The following CDH15 variants were observed in gnomAD, a reference collection of about 807,000 sequenced individuals.
The protein encoded by CDH15 is cadherin-15.
CDH15 carries 73 observed loss-of-function variants against 69.4 expected under a neutral mutation model. That is an observed-to-expected ratio of 1.05 (90% CI 0.87 to 1.28). The LOEUF (loss-of-function observed/expected upper bound fraction) is 1.28, where lower values mean the gene tolerates loss of function less well. CDH15 is among the 50% of genes most tolerant of loss of function. CDH15 has a pLI of 0.00. For synonymous variants in CDH15, 624 were observed against 507.7 expected, an observed-to-expected ratio of 1.23 and a Z score of -3.08; for missense variants, 1,343 against 1,133.6, an observed-to-expected ratio of 1.18 and a Z score of -2.65.
At chr16:89,185,090 C>A in intron 4 of CDH15, 83 bp from the exon 5 acceptor site, 1 of 1,336,564 alleles carries the variant, frequency 7.5e-7, no homozygotes, top group Non-Finnish European at 1.0e-6. Flanking sequence ...CCTGTGCACA[C>A]GAGGTGCCCC....
At chr16:89,191,091 T>C (rs1390157763) in intron 8 of CDH15, among the ~76,000 whole-genome samples, 1 of 151,070 alleles carries the variant, frequency 6.6e-6, no homozygotes, top group African/African-American at 2.4e-5. Flanking sequence ...GGAGTGTCTA[T>C]GTGTATATAT....
chr16:89,195,320 G>T lies in CDH15; in HGVS notation c.*165G>T, dbSNP rs985014201. ...GCAGAACCTGAGTGTGGATGGGGCG[G>T]CCAGGAAGAGGCCCCTTCCTGCCGG... On this transcript the variant is annotated 3_prime_UTR_variant, in exon 14 of 14. Coordinates refer to ENST00000289746, the MANE Select transcript of CDH15 (RefSeq NM_004933.3). 5 of 705,356 alleles carry T rather than the reference G, an allele frequency of 7.1e-6. No individual in the cohort carries two copies. Among genetic ancestry groups the T allele is most frequent in the Middle Eastern group, 4.0e-4 (1 of 2,498 alleles). 43.7% of individuals were successfully genotyped at this position (705,356 alleles called of 1,614,324 possible). A position where few individuals can be genotyped will look rare whatever the true frequency, so the allele number is the denominator to read the frequency against.
chr16:89,171,897 G>T (rs774380211), intron 1 of CDH15, 24 bp downstream of exon 1: 3 of 1,545,584 alleles, frequency 1.9e-6, no homozygotes, highest in South Asian at 2.4e-5. Context: ...ACCTGCGGGG[G>T]TCCCCGCTGC....
Position 89,187,426 on chromosome 16 carries a change from C to T in CDH15, c.664-3C>T, listed in dbSNP as rs1452552720. 2.5e-6 allele frequency: 4 copies of T among 1,612,618 alleles called. No individual in the cohort carries two copies. The highest frequency in any genetic ancestry group is 3.4e-6 in the Non-Finnish European group (4 of 1,180,016). On this transcript the variant is annotated splice_region_variant and splice_polypyrimidine_tract_variant and intron_variant, in intron 5 of 13. Coordinates refer to ENST00000289746, the MANE Select transcript of CDH15 (RefSeq NM_004933.3). ...CTTCTGACCCTGTGCCCCACATCCC[C>T]AGGTGGTCGCGGTGTACAATCTGAC... is the stretch of plus-strand genomic sequence containing the variant.
intron 3 of CDH15, 62 bp downstream of exon 3, chr16:89,180,417 C>T: frequency 6.5e-7 from 1 of 1,548,886 alleles, no homozygotes; most frequent in Non-Finnish European, 8.8e-7. Flanking sequence ...GCCAGTGCCC[C>T]TCCTCCCCAC....
chr16:89,188,837 TGCCCACACACAGATGCCCACGCA>T (rs1423518833), intron 7 of CDH15, among the ~76,000 whole-genome samples: 2 of 63,500 alleles, frequency 3.1e-5, no homozygotes, highest in African/African-American at 1.4e-4. Flanking sequence ...CACGCACAGG[TGCCCACACACAGATGCCCACGCA>T]CAGGTGCCCA....
At chr16:89,176,878 C>T (rs1360754323) in intron 1 of CDH15, among the ~76,000 whole-genome samples, 30 of 149,992 alleles carry the variant, frequency 2.0e-4, no homozygotes. Flanking sequence ...CCAGCACCTC[C>T]CACCCGTCCC....
chr16:89,188,313 T>C (rs749853656), intron 7 of CDH15, 28 bp downstream of exon 7: 5 of 1,604,040 alleles, frequency 3.1e-6, no homozygotes, highest in South Asian at 2.2e-5. Context: ...GGCACACAGA[T>C]GCCGGCAGAC....
chr16:89,186,486 A>G (rs78916326), intron 5 of CDH15, among the ~76,000 whole-genome samples: 4,047 of 136,658 alleles, frequency 0.03, 101 homozygotes, highest in Non-Finnish European at 0.046. Context: ...CACCCAGCGC[A>G]CAGTAGGTGC....
intron 4 of CDH15, 93 bp from the exon 5 acceptor site, chr16:89,185,080 C>T: frequency 8.0e-7 from 1 of 1,248,116 alleles, no homozygotes; most frequent in Non-Finnish European, 1.1e-6. Context: ...AACCGGGGAG[C>T]CTGTGCACAC....
In CDH15 at chr16:89,190,639, G is replaced by A. The variant is rs539307382; in HGVS notation, c.1232+143G>A. On this transcript the variant is annotated intron_variant, in intron 8 of 13. Coordinates refer to ENST00000289746, the MANE Select transcript of CDH15 (RefSeq NM_004933.3). ...GGTTCCTGAAGGTCTGGAGGGTCTC[G>A]AGTCCCGAGCATGCCCGTGTGTGCA... 589 of 1,115,148 alleles carry A rather than the reference G, an allele frequency of 5.3e-4. 2 individuals carry two copies. Among genetic ancestry groups the A allele is most frequent in the Admixed American group, 4.5e-3 (202 of 45,084 alleles). 69.1% of individuals were successfully genotyped at this position (1,115,148 alleles called of 1,614,324 possible). A position where few individuals can be genotyped will look rare whatever the true frequency, so the allele number is the denominator to read the frequency against.
Position 89,187,530 on chromosome 16 carries a change from C to T in CDH15, c.765C>T (p.Asp255=), listed in dbSNP as rs1415385042. ...SAIITLDDIN[D]NAPEFTRDEF... is the part of the protein sequence containing the mutation. ...TCATCACCCTTGATGACATCAATGACAATGCCCCCGAGTTCACCAGGGATG... is the reference window on the plus strand; with the variant it reads ...TCATCACCCTTGATGACATCAATGATAATGCCCCCGAGTTCACCAGGGATG... The change falls in exon 6 of 14, where the codon GAC becomes GAT. Residue 255 remains aspartate, a synonymous_variant. Coordinates refer to ENST00000289746, the MANE Select transcript of CDH15 (RefSeq NM_004933.3). 1.9e-6 allele frequency: 3 copies of T among 1,613,604 alleles called. No individual in the cohort carries two copies. Among genetic ancestry groups the T allele is most frequent in the Non-Finnish European group, 2.5e-6 (3 of 1,180,032 alleles).
At chr16:89,192,585 G>A (rs1386569631) in intron 11 of CDH15, 141 bp downstream of exon 11, 1 of 414,688 alleles carries the variant, frequency 2.4e-6, no homozygotes, top group Non-Finnish European at 4.0e-6. Flanking sequence ...CAGCCACGCC[G>A]CTTCCTCCCC....
chr16:89,179,640 T>C lies in CDH15; in HGVS notation c.201+66T>C, dbSNP rs1915332169. The C allele has an allele frequency of 4.1e-6, 6 of 1,459,532 alleles. No homozygotes were observed. The South Asian group carries it at 8.2e-5, about 20-fold the overall frequency. The allele number at this position is 1,459,532 out of a possible 1,614,324, so 90.4% of individuals were successfully genotyped here. A position where few individuals can be genotyped will look rare whatever the true frequency, so the allele number is the denominator to read the frequency against. ...CTGGTCCCCAGTGGGCCTCCCTCAT[T>C]CTCTAAAGGTCTCCTGGGAGCCAGC... On this transcript the variant is annotated intron_variant, in intron 2 of 13. Coordinates refer to ENST00000289746, the MANE Select transcript of CDH15 (RefSeq NM_004933.3).
At chr16:89,182,694 C>T (rs1915406226) in intron 3 of CDH15, 1 of 152,138 alleles carries the variant, frequency 6.6e-6, no homozygotes, top group African/African-American at 2.4e-5. Flanking sequence ...GGAAAGGACG[C>T]TTCCTGCCTT....
chr16:89,193,475 G>A lies in CDH15; in HGVS notation c.1861G>A (p.Val621Ile), dbSNP rs775446675. The A allele has an allele frequency of 1.4e-4, 228 of 1,610,774 alleles. 1 individual carries two copies. Among genetic ancestry groups the A allele is most frequent in the Non-Finnish European group, 1.7e-4 (205 of 1,179,444 alleles). ...TGCGTCCCCTCATTCCCCAGTGCTG[G>A]TCCTGCTCGTGGCACTCCGGGCGCG... ...LASALLLLVL[V>I]LLVALRARFW... Residue 621 changes from valine to isoleucine, a missense_variant, in exon 12 of 14, where the codon GTC becomes ATC. Physicochemically the swap from Val to Ile is conservative, Grantham distance 29. Transcript: ENST00000289746.
At chr16:89,190,834 GC>G (rs917687228) in intron 8 of CDH15, among the ~76,000 whole-genome samples, 1 of 152,228 alleles carries the variant, frequency 6.6e-6, no homozygotes, top group Admixed American at 6.5e-5. Flanking sequence ...TGTCCACGGG[GC>G]CCGGGAAGGG....
In CDH15 at chr16:89,195,313, TG is replaced by T. The variant is rs200618586; in HGVS notation, c.*162del. 1.2e-3 allele frequency: 894 copies of T among 761,354 alleles called. 6 individuals are homozygous for T. The African/African-American group carries it at 0.015, about 12-fold the overall frequency. The allele number at this position is 761,354 out of a possible 1,614,324, so 47.2% of individuals were successfully genotyped here. ...TCTGGGGGCAGAACCTGAGTGTGGA[TG>T]GGGCGGCCAGGAAGAGGCCCCTTCC... On this transcript the variant is annotated 3_prime_UTR_variant, in exon 14 of 14. Transcript: ENST00000289746.
chr16:89,195,274 G>A lies in CDH15; in HGVS notation c.*119G>A. On this transcript the variant is annotated 3_prime_UTR_variant, in exon 14 of 14. Coordinates refer to ENST00000289746, the MANE Select transcript of CDH15 (RefSeq NM_004933.3). ...GGCCTGGGGCAGCCTCCTTCCTGTAGGCGAGGGCCCAAGTCTGGGGGCAGA... is the reference window on the plus strand; with the variant it reads ...GGCCTGGGGCAGCCTCCTTCCTGTAAGCGAGGGCCCAAGTCTGGGGGCAGA... 1.8e-6 allele frequency: 2 copies of A among 1,098,462 alleles called. No individual in the cohort carries two copies. Among genetic ancestry groups the A allele is most frequent in the African/African-American group, 1.6e-5 (1 of 63,354 alleles). The allele number at this position is 1,098,462 out of a possible 1,614,324, so 68.0% of individuals were successfully genotyped here.
Sources: allele counts gnomAD v4.1 joint callset (sites outside exome capture counted in the v4.1 genomes callset), GRCh38; gene constraint gnomAD v4.1.1; transcripts MANE v1.5; gene names NCBI Gene and HGNC (gene_info 2026-07-23, HGNC 2026-07-21).